Variants in ATP2C2 observed in about 807,000 individuals in gnomAD.
The protein encoded by ATP2C2 is ATPase secretory pathway Ca2+ transporting 2.
ATP2C2 carries 171 observed loss-of-function variants against 110.8 expected under a neutral mutation model. The ratio of observed to expected loss-of-function variants is 1.54; its 90% CI spans 1.36 to 1.75. The LOEUF is 1.75. Ranked by LOEUF, ATP2C2 falls within the 40% of genes most tolerant of loss-of-function variation. The pLI is 0.00. For missense variants in ATP2C2, 1,963 were observed against 1,235.0 expected (o/e 1.59, Z -8.84); for synonymous variants, 804 against 508.4 (o/e 1.58, Z -7.82).
intron 2 of ATP2C2, among the ~76,000 whole-genome samples, chr16:84,402,606 G>A (rs1243041695): frequency 5.3e-5 from 8 of 152,070 alleles, no homozygotes; most frequent in Non-Finnish European, 1.2e-4. Context: ...ATTAATTTGT[G>A]TATGGTGAAC....
intron 24 of ATP2C2, 114 bp downstream of exon 24, chr16:84,460,915 A>T: frequency 7.3e-7 from 1 of 1,368,120 alleles, no homozygotes; most frequent in Non-Finnish European, 9.9e-7. Context: ...AAACATGTAC[A>T]CACACCGGAC....
chr16:84,440,983 G>T (rs372254703), intron 14 of ATP2C2, 25 bp downstream of exon 14: 21 of 1,561,894 alleles, frequency 1.3e-5, no homozygotes, highest in Non-Finnish European at 1.8e-5. Flanking sequence ...CGCCATGAGG[G>T]AAATAGGCAT....
intron 1 of ATP2C2, 25 bp downstream of exon 1, chr16:84,368,739 G>T (rs1662269419): frequency 1.3e-6 from 2 of 1,486,958 alleles, no homozygotes; most frequent in Non-Finnish European, 1.8e-6. Flanking sequence ...CTCCGCGCCG[G>T]GCGTGCGACC....
intron 2 of ATP2C2, 139 bp downstream of exon 2, chr16:84,398,748 G>T: frequency 1.5e-6 from 1 of 668,542 alleles, no homozygotes; most frequent in Non-Finnish European, 2.4e-6. Context: ...TATTGTTGAT[G>T]TTGAATGGTT....
At chr16:84,461,023 A>G (rs1911274168) in intron 24 of ATP2C2, 1 of 585,946 alleles carries the variant, frequency 1.7e-6, no homozygotes, top group African/African-American at 1.9e-5. Flanking sequence ...GGAACTACAG[A>G]GGCCAGCGGG....
intron 11 of ATP2C2, among the ~76,000 whole-genome samples, chr16:84,429,809 T>C (rs181240368): frequency 6.6e-4 from 100 of 152,258 alleles, no homozygotes; most frequent in African/African-American, 2.3e-3. Flanking sequence ...CACCACAGGC[T>C]GCAGGGCTGG....
At chr16:84,455,681 C>A (rs1910728950) in intron 21 of ATP2C2, among the ~76,000 whole-genome samples, 1 of 151,206 alleles carries the variant, frequency 6.6e-6, no homozygotes, top group Non-Finnish European at 1.5e-5. Context: ...AATATTGAGG[C>A]TAGGTGGATC....
intron 1 of ATP2C2, among the ~76,000 whole-genome samples, chr16:84,397,670 A>AAAAAAAAAC (rs1555553736): frequency 6.9e-6 from 1 of 145,794 alleles, no homozygotes; most frequent in Admixed American, 6.8e-5. Context: ...AAAAAAAAAA[A>AAAAAAAAAC]AAACTTGCTT....
chr16:84,439,000 C>T (rs1211150131), intron 11 of ATP2C2, 166 bp from the exon 12 acceptor site: 4 of 1,005,994 alleles, frequency 4.0e-6, no homozygotes, highest in African/African-American at 3.2e-5. Flanking sequence ...ACAGTGGGTG[C>T]TGCAGAAGGA....
intron 11 of ATP2C2, among the ~76,000 whole-genome samples, chr16:84,426,407 T>G (rs1027458423): frequency 1.3e-5 from 2 of 152,182 alleles, no homozygotes; most frequent in African/African-American, 4.8e-5. Context: ...AACTTGAGGT[T>G]TGAGTTGGGA....
At chr16:84,418,578 T>A (rs1379538686) in intron 7 of ATP2C2, among the ~76,000 whole-genome samples, 1 of 152,212 alleles carries the variant, frequency 6.6e-6, no homozygotes, top group Non-Finnish European at 1.5e-5. Context: ...GCACTGTTAT[T>A]TTTCCTCTGC....
chr16:84,380,274 C>A (rs1413528759), intron 1 of ATP2C2, among the ~76,000 whole-genome samples: 1 of 152,150 alleles, frequency 6.6e-6, no homozygotes, highest in Admixed American at 6.5e-5. Flanking sequence ...GACAGTTTTG[C>A]CTTCACTTAT....
At chr16:84,432,813 G>A (rs536479079) in intron 11 of ATP2C2, among the ~76,000 whole-genome samples, 4 of 152,182 alleles carry the variant, frequency 2.6e-5, no homozygotes, top group Non-Finnish European at 4.4e-5. Flanking sequence ...GAGCCACTGC[G>A]CCTGGCTGAG....
chr16:84,403,815 T>G (rs4782957), intron 2 of ATP2C2, among the ~76,000 whole-genome samples: 2 of 151,798 alleles, frequency 1.3e-5, no homozygotes, highest in Non-Finnish European at 2.9e-5. Context: ...CTCAGCCTCC[T>G]GAGTGGCTGG....
At chr16:84,459,617 T>C in intron 23 of ATP2C2, 2 of 1,524,368 alleles carry the variant, frequency 1.3e-6, no homozygotes, top group African/African-American at 1.4e-5. Flanking sequence ...TTCTGCTCCC[T>C]CTGCCTGGAT....
intron 17 of ATP2C2, among the ~76,000 whole-genome samples, chr16:84,450,074 G>C (rs191091533): frequency 6.6e-6 from 1 of 152,270 alleles, no homozygotes; most frequent in African/African-American, 2.4e-5. Flanking sequence ...CCAGGGACTT[G>C]CTCCAGGCCT....
chr16:84,458,118 G>A (rs1910860454), intron 21 of ATP2C2, among the ~76,000 whole-genome samples: 1 of 5,638 alleles, frequency 1.8e-4, no homozygotes, highest in Middle Eastern at 0.017. Context: ...TGATAGACTG[G>A]ATTAAGAAAA....
rs534820669 is a variant in ATP2C2 at position 84,453,773 on chromosome 16, G to C, written c.1980+402G>C. Among the ~76,000 whole-genome samples the C allele has an allele frequency of 8.9e-4, 136 of 152,280 alleles. 1 individual carries two copies. The South Asian group carries it at 0.013, about 14-fold the overall frequency. On this transcript the variant is annotated intron_variant, in intron 20 of 26. Coordinates refer to ENST00000262429, the MANE Select transcript of ATP2C2 (RefSeq NM_014861.4). ...AACTGGGGGACCTTTGCTACATACA[G>C]TGAAAACTGGGAGCTGTAATTGGAT...
chr16:84,436,002 G>A (rs1373934417), intron 11 of ATP2C2, among the ~76,000 whole-genome samples: 1 of 152,098 alleles, frequency 6.6e-6, no homozygotes, highest in Non-Finnish European at 1.5e-5. Context: ...GGTGGCACAT[G>A]CCTGTAATTC....
Sources: gnomAD v4.1 joint callset for allele counts (sites outside exome capture counted in the v4.1 genomes callset) on GRCh38, gnomAD v4.1.1 for gene constraint, MANE v1.5 for transcripts, NCBI Gene and HGNC (gene_info 2026-07-23, HGNC 2026-07-21) for gene names.